Variants in GPC5 observed in about 807,000 individuals in gnomAD.
GPC5 encodes glypican-5.
In GPC5, 47 loss-of-function variants were observed where a neutral mutation model predicts 53.9. That is an observed-to-expected ratio of 0.87 (90% confidence interval 0.69 to 1.11). GPC5 has a LOEUF of 1.11. Ranked by LOEUF, GPC5 falls within the 50% of genes most tolerant of loss-of-function variation. The pLI, the probability that GPC5 is intolerant of heterozygous loss-of-function variation, is 0.00. For missense variants in GPC5, 748 were observed against 713.1 expected (o/e 1.05, Z -0.56); for synonymous variants, 286 against 263.3 (o/e 1.09, Z -0.84).
At position 92,560,710 on chromosome 13, in the gene GPC5, T is replaced by TA. The variant is rs552065725; in HGVS notation, c.1562-305571dup. Among the ~76,000 whole-genome samples, 131 of 152,128 alleles carry TA rather than the reference T, an allele frequency of 8.6e-4. 1 individual carries two copies. Among genetic ancestry groups the TA allele is most frequent in the African/African-American group, 3.0e-3 (123 of 41,556 alleles). On this transcript the variant is annotated intron_variant, in intron 7 of 7. Coordinates refer to ENST00000377067, the MANE Select transcript of GPC5 (RefSeq NM_004466.6). ...CATGAAATCTAATTTCTGCCTCAGA[T>TA]ACAGAGAATTAAAATGATTTCCCTG...
At chr13:92,167,297 G>C (rs1229739363) in intron 7 of GPC5, among the ~76,000 whole-genome samples, 1 of 152,058 alleles carries the variant, frequency 6.6e-6, no homozygotes. Flanking sequence ...ACCATTTTCA[G>C]GGCATTGATG....
At chr13:92,756,684 A>C in intron 7 of GPC5, among the ~76,000 whole-genome samples, 5 of 139,310 alleles carry the variant, frequency 3.6e-5, no homozygotes, top group Non-Finnish European at 3.1e-5. Context: ...TTATACACCA[A>C]CAACAGACAA....
intron 6 of GPC5, among the ~76,000 whole-genome samples, chr13:92,060,494 G>C (rs1013766042): frequency 1.1e-4 from 16 of 151,952 alleles, no homozygotes; most frequent in Non-Finnish European, 2.4e-4. Flanking sequence ...ACGTATGTTG[G>C]TATTCTTCTA....
At chr13:92,162,290 A>C (rs2041995638) in intron 7 of GPC5, among the ~76,000 whole-genome samples, 1 of 152,084 alleles carries the variant, frequency 6.6e-6, no homozygotes, top group Non-Finnish European at 1.5e-5. Flanking sequence ...ACATCCATTT[A>C]TTCATCCATC....
intron 6 of GPC5, among the ~76,000 whole-genome samples, chr13:92,049,305 C>T (rs1434097463): frequency 6.6e-6 from 1 of 152,026 alleles, no homozygotes; most frequent in African/African-American, 2.4e-5. Flanking sequence ...TTTATTTTTG[C>T]CCTTAGTACA....
chr13:92,036,215 A>G (rs1178530223), intron 6 of GPC5, among the ~76,000 whole-genome samples: 3 of 152,196 alleles, frequency 2.0e-5, no homozygotes, highest in African/African-American at 4.8e-5. Flanking sequence ...GTCTTTTGCT[A>G]TGAATTTGAC....
intron 3 of GPC5, among the ~76,000 whole-genome samples, chr13:91,721,038 T>C (rs949430689): frequency 2.0e-5 from 3 of 152,128 alleles, no homozygotes; most frequent in African/African-American, 7.2e-5. Flanking sequence ...ATTTTTATCT[T>C]GTCCATTTTC....
At chr13:91,402,037 A>G (rs545934682) in intron 1 of GPC5, among the ~76,000 whole-genome samples, 3 of 152,174 alleles carry the variant, frequency 2.0e-5, no homozygotes, top group South Asian at 4.2e-4. Flanking sequence ...TTTTTATTTT[A>G]TTTATTGGGG....
At chr13:92,546,494 A>G (rs1380436678) in intron 7 of GPC5, among the ~76,000 whole-genome samples, 1 of 152,156 alleles carries the variant, frequency 6.6e-6, no homozygotes, top group Non-Finnish European at 1.5e-5. Flanking sequence ...AGAACTACAG[A>G]CTACTGCTCA....
In GPC5 at chr13:92,384,570, C is replaced by A. The variant is rs112918236; in HGVS notation, c.1561+239581C>A. 3.9e-3 allele frequency among the ~76,000 whole-genome samples: 590 copies of A among 152,040 alleles called. 4 individuals are homozygous for A. Among genetic ancestry groups the A allele is most frequent in the African/African-American group, 0.014 (561 of 41,460 alleles). ...TCAGTGGTACAAAGGCAATGTGTAC[C>A]TTTTCTCTTCCTTTAAACAAATCCC... On this transcript the variant is annotated intron_variant, in intron 7 of 7. Coordinates refer to ENST00000377067, the MANE Select transcript of GPC5 (RefSeq NM_004466.6).
At chr13:91,612,088 T>A (rs1057435461) in intron 2 of GPC5, among the ~76,000 whole-genome samples, 6 of 152,220 alleles carry the variant, frequency 3.9e-5, no homozygotes, top group Admixed American at 2.6e-4. Flanking sequence ...CTTAGTTGTA[T>A]ATTTTCCAAC....
rs976096575 is a variant in GPC5, at chr13:91,983,219, G to A, written c.1401+75162G>A. 7.2e-5 allele frequency among the ~76,000 whole-genome samples: 11 copies of A among 152,176 alleles called. No homozygotes were observed. The East Asian group carries it at 1.2e-3, about 16-fold the overall frequency. On this transcript the variant is annotated intron_variant, in intron 6 of 7. Coordinates refer to ENST00000377067, the MANE Select transcript of GPC5 (RefSeq NM_004466.6). ...AAATTAGCCGGGCGTACTGGCGGGC[G>A]CCTGTAGTCCCAGCTACTTGGGAGG...
intron 3 of GPC5, among the ~76,000 whole-genome samples, chr13:91,721,728 T>A (rs1223628185): frequency 6.6e-6 from 1 of 152,194 alleles, no homozygotes; most frequent in African/African-American, 2.4e-5. Flanking sequence ...TCTCTGCATA[T>A]AAAGTTTTTC....
chr13:92,422,826 T>A (rs1472966046), intron 7 of GPC5, among the ~76,000 whole-genome samples: 1 of 152,208 alleles, frequency 6.6e-6, no homozygotes. Flanking sequence ...TTTAAAAAAA[T>A]TTGCCACATG....
intron 7 of GPC5, among the ~76,000 whole-genome samples, chr13:92,487,214 T>G (rs1449757047): frequency 6.6e-6 from 1 of 152,168 alleles, no homozygotes; most frequent in Non-Finnish European, 1.5e-5. Flanking sequence ...GCATGTAGTT[T>G]TATCATCTCC....
chr13:92,372,531 G>A (rs780454586), intron 7 of GPC5, among the ~76,000 whole-genome samples: 28 of 152,122 alleles, frequency 1.8e-4, no homozygotes, highest in Admixed American at 1.4e-3. Flanking sequence ...TTGTTGTGAC[G>A]TTTGAAAATT....
intron 2 of GPC5, among the ~76,000 whole-genome samples, chr13:91,584,588 T>A (rs1315514536): frequency 6.6e-6 from 1 of 152,124 alleles, no homozygotes; most frequent in Non-Finnish European, 1.5e-5. Flanking sequence ...AAGAACTTTT[T>A]TTTTTTTCAT....
intron 6 of GPC5, among the ~76,000 whole-genome samples, chr13:92,004,317 C>A (rs12430626): frequency 0.4 from 59,765 of 149,590 alleles, 12,662 homozygotes; most frequent in Admixed American, 0.5. Context: ...TGGTGACGTG[C>A]GCCTGTAGTC....
rs532671174 is a variant in GPC5, at chr13:92,061,451, G to A, written c.1402-83379G>A. Among the ~76,000 whole-genome samples, 7 of 152,088 alleles carry A rather than the reference G, an allele frequency of 4.6e-5. No homozygotes were observed. The East Asian group carries it at 1.4e-3, about 29-fold the overall frequency. ...ACGTGAAAATGCTAAGAAATTTAGT[G>A]CATTTACATAGGCAGCCATCTTATT... On this transcript the variant is annotated intron_variant, in intron 6 of 7. Transcript: ENST00000377067.
Sources: allele counts gnomAD v4.1 joint callset (sites outside exome capture counted in the v4.1 genomes callset), GRCh38; gene constraint gnomAD v4.1.1; transcripts MANE v1.5; gene names NCBI Gene and HGNC (gene_info 2026-07-23, HGNC 2026-07-21).